LYRM4: variants seen among roughly 807,000 people sequenced by gnomAD.
The protein encoded by LYRM4 is LYR motif-containing protein 4.
LYRM4 carries 9 observed loss-of-function variants against 11.7 expected under a neutral mutation model. That is an observed-to-expected ratio of 0.77 (90% CI 0.46 to 1.34). LYRM4 has a LOEUF of 1.34. Ranked by LOEUF, LYRM4 falls within the 40% of genes most tolerant of loss-of-function variation. The pLI is 0.00. For synonymous variants in LYRM4, 42 were observed against 40.4 expected (o/e 1.04, Z -0.15); for missense variants, 133 against 112.5 (o/e 1.18, Z -0.82).
the LYRM4 span, chr6:5,085,511 G>C: frequency 2.0e-6 from 3 of 1,537,598 alleles, no homozygotes; most frequent in African/African-American, 2.7e-5. Context: ...GCGCGGCTAA[G>C]TTTGGAGGCG....
At chr6:5,175,175 T>C (rs991183273) in intron 2 of LYRM4, among the ~76,000 whole-genome samples, 3 of 152,246 alleles carry the variant, frequency 2.0e-5, no homozygotes, top group Admixed American at 6.5e-5. Context: ...GTTCTGGGTC[T>C]TTCAAAGAGG....
intron 2 of LYRM4, among the ~76,000 whole-genome samples, chr6:5,111,669 C>T (rs1432995084): frequency 6.6e-6 from 1 of 152,206 alleles, no homozygotes; most frequent in African/African-American, 2.4e-5. Flanking sequence ...CGCGTGGTCT[C>T]TGAATGACCC....
the LYRM4 span, among the ~76,000 whole-genome samples, chr6:5,058,627 C>A: frequency 2.6e-5 from 4 of 152,216 alleles, no homozygotes; most frequent in Non-Finnish European, 2.9e-5. Flanking sequence ...AGTGTCCAAC[C>A]TACCCCCTCC....
intron 2 of LYRM4, among the ~76,000 whole-genome samples, chr6:5,160,304 T>C (rs1758675317): frequency 2.0e-5 from 3 of 151,890 alleles, no homozygotes; most frequent in African/African-American, 7.3e-5. Context: ...AGCTGAGAAG[T>C]GGAGAGCAGA....
intron 1 of LYRM4, among the ~76,000 whole-genome samples, chr6:5,252,287 G>A (rs979655370): frequency 6.6e-6 from 1 of 152,152 alleles, no homozygotes; most frequent in South Asian, 2.1e-4. Flanking sequence ...CACGGGGAGC[G>A]AGGCGGCCTT....
At chr6:5,047,226 A>G in the LYRM4 span, among the ~76,000 whole-genome samples, 2 of 152,238 alleles carry the variant, frequency 1.3e-5, no homozygotes, top group African/African-American at 4.8e-5. Context: ...CATCTTTTAG[A>G]TAAGACGATC....
chr6:5,232,714 GA>G (rs751841904), intron 1 of LYRM4, among the ~76,000 whole-genome samples: 6 of 152,338 alleles, frequency 3.9e-5, no homozygotes, highest in Admixed American at 2.0e-4. Context: ...TCAGGGATCA[GA>G]AATCTGCAAC....
chr6:5,068,675 G>C, the LYRM4 span, among the ~76,000 whole-genome samples: 1 of 152,174 alleles, frequency 6.6e-6, no homozygotes, highest in African/African-American at 2.4e-5. The surrounding 1 kb of genome is among the most constrained non-coding windows in gnomAD (Gnocchi z 4.0). Flanking sequence ...CACTGGAACA[G>C]AGAGAAAGCA....
chr6:5,219,048 T>C (rs1412858250), intron 1 of LYRM4, among the ~76,000 whole-genome samples: 1 of 152,232 alleles, frequency 6.6e-6, no homozygotes, highest in Admixed American at 6.5e-5. Flanking sequence ...CCAGGAATCA[T>C]CTATTGTTTA....
chr6:5,047,184 G>A, the LYRM4 span, among the ~76,000 whole-genome samples: 30 of 152,202 alleles, frequency 2.0e-4, no homozygotes, highest in African/African-American at 7.0e-4. Flanking sequence ...TTGGGGAACC[G>A]TCTTTGGAGA....
the LYRM4 span, chr6:5,066,936 G>A: frequency 9.0e-7 from 1 of 1,111,572 alleles, no homozygotes; most frequent in Non-Finnish European, 1.2e-6. Context: ...GCCCCCCAAG[G>A]CGGAGAGCCT....
rs772084834 is a variant in LYRM4, at chr6:5,138,699, A to T, written c.208-29208T>A. The T allele has an allele frequency of 7.2e-6, 11 of 1,530,462 alleles. No individual in the cohort carries two copies. The South Asian group carries it at 1.3e-4, about 18-fold the overall frequency. The allele number at this position is 1,530,462 out of a possible 1,614,324, so 94.8% of individuals were successfully genotyped here. On this transcript the variant is annotated intron_variant, in intron 2 of 2. Transcript: ENST00000330636. The stretch of plus-strand genomic sequence containing the variant: ...ACAAGAAAATATCAAGATGCAATAG[A>T]AAACAAACCTGGTGGCAGACAATGA...
the LYRM4 span, among the ~76,000 whole-genome samples, chr6:5,049,506 A>G: frequency 6.6e-6 from 1 of 152,202 alleles, no homozygotes; most frequent in East Asian, 1.9e-4. Flanking sequence ...AATTAGTAGG[A>G]CCTGACATTT....
intron 1 of LYRM4, among the ~76,000 whole-genome samples, chr6:5,242,958 A>G (rs941069747): frequency 3.3e-5 from 5 of 151,462 alleles, no homozygotes; most frequent in Non-Finnish European, 7.4e-5. Flanking sequence ...TATTTTTAGT[A>G]GAGACGGGGT....
Position 5,142,425 on chromosome 6 carries a change from A to G in LYRM4, c.208-32934T>C, listed in dbSNP as rs903197817. ...CCCCAGCTTTCCAATCTTCCAGCTG[A>G]GGTTCAATCACTGTGGAGCAACACA... On this transcript the variant is annotated intron_variant, in intron 2 of 2. Coordinates refer to ENST00000330636, the MANE Select transcript of LYRM4 (RefSeq NM_020408.6). Among the ~76,000 whole-genome samples, 7 of 152,302 alleles carry G rather than the reference A, an allele frequency of 4.6e-5. No homozygotes were observed. The East Asian group carries it at 1.2e-3, about 25-fold the overall frequency.
intron 2 of LYRM4, among the ~76,000 whole-genome samples, chr6:5,145,079 A>G (rs1757643784): frequency 6.6e-6 from 1 of 152,242 alleles, no homozygotes; most frequent in East Asian, 1.9e-4. Context: ...AGAATTCCAC[A>G]GAAAGCAGAG....
intron 1 of LYRM4, among the ~76,000 whole-genome samples, chr6:5,245,096 A>T (rs1480927348): frequency 0.015 from 538 of 35,210 alleles, 42 homozygotes; most frequent in Non-Finnish European, 0.017. Context: ...CCTTAAAAAA[A>T]AAAAAAAAAA....
At chr6:5,128,168 G>A (rs939666883) in intron 2 of LYRM4, among the ~76,000 whole-genome samples, 1 of 152,128 alleles carries the variant, frequency 6.6e-6, no homozygotes, top group Admixed American at 6.5e-5. Context: ...AAGCAAACTT[G>A]GTTCTGCTTG....
downstream of LYRM4, chr6:5,108,358 G>T: frequency 1.2e-6 from 1 of 845,708 alleles, no homozygotes; most frequent in Non-Finnish European, 1.4e-6. Context: ...AAACTCCCCA[G>T]ATGACAAGCA....
Sources: gnomAD v4.1 joint callset for allele counts (sites outside exome capture counted in the v4.1 genomes callset) on GRCh38, gnomAD v4.1.1 for gene constraint, Gnocchi (gnomAD v3.1) non-coding constraint, MANE v1.5 for transcripts, NCBI Gene and HGNC (gene_info 2026-07-23, HGNC 2026-07-21) for gene names.